The following UGGT2 variants were observed in gnomAD, a reference collection of about 807,000 sequenced individuals.
UGGT2 encodes UDP-glucose:glycoprotein glucosyltransferase 2.
Under a neutral mutation model 192.1 loss-of-function variants are expected in UGGT2, and 180 were observed. That is an observed-to-expected ratio of 0.94 (90% confidence interval 0.83 to 1.06). UGGT2 has a LOEUF of 1.06. Among genes scored for constraint, UGGT2 ranks in the 50% least tolerant of loss-of-function variants. The pLI is 0.00. For synonymous variants in UGGT2, 580 were observed against 591.0 expected (o/e 0.98, Z 0.27); for missense variants, 1,849 against 1,795.7 (o/e 1.03, Z -0.54).
rs1229060887 is a variant in UGGT2, at chr13:95,937,055, C to T, written c.1846G>A (p.Gly616Ser). 1.2e-6 allele frequency: 2 copies of T among 1,601,380 alleles called. No individual in the cohort carries two copies. The highest frequency in any genetic ancestry group is 2.7e-5 in the African/African-American group (2 of 73,956). Residue 616 changes from glycine to serine, a missense_variant, in exon 17 of 39, where the codon GGT becomes AGT. Physicochemically the swap from Gly to Ser is moderately conservative, Grantham distance 56. Coordinates refer to ENST00000376747, the MANE Select transcript of UGGT2 (RefSeq NM_020121.4). ...GASFYKMTGLGPLPQALYNGE... is the reference protein window; with the variant it reads ...GASFYKMTGLSPLPQALYNGE... ...TTATAAAGAGCTTGAGGCAAAGGAC[C>T]CAGGCCAGTCATCTTATAAAAGCTT...
chr13:96,002,399 C>G (rs2051835919), intron 5 of UGGT2, among the ~76,000 whole-genome samples: 1 of 152,218 alleles, frequency 6.6e-6, no homozygotes, highest in Admixed American at 6.5e-5. Context: ...ACTTTCATCA[C>G]CATCTAACAT....
At chr13:95,815,755 T>A (rs879355878) in intron 38 of UGGT2, among the ~76,000 whole-genome samples, 2 of 152,166 alleles carry the variant, frequency 1.3e-5, no homozygotes, top group African/African-American at 4.8e-5. Flanking sequence ...AAAAAACTTA[T>A]AATATACAGA....
intron 38 of UGGT2, among the ~76,000 whole-genome samples, chr13:95,816,427 A>G (rs1362283762): frequency 1.3e-5 from 2 of 152,216 alleles, no homozygotes; most frequent in African/African-American, 2.4e-5. Flanking sequence ...AGGTATTTAC[A>G]GAAGAGAAAT....
At chr13:95,996,494 T>TAAAAAA (rs747293305) in intron 6 of UGGT2, among the ~76,000 whole-genome samples, 1 of 133,720 alleles carries the variant, frequency 7.5e-6, no homozygotes, top group African/African-American at 2.8e-5. Flanking sequence ...AGACCGTGTC[T>TAAAAAA]AAAAAAAAAA....
At position 95,917,293 on chromosome 13, in the gene UGGT2, A is replaced by C. The variant is rs373462352; in HGVS notation, c.2295+8387T>G. On this transcript the variant is annotated intron_variant, in intron 20 of 38. Coordinates refer to ENST00000376747, the MANE Select transcript of UGGT2 (RefSeq NM_020121.4). ...CCAATTCATTTCTTAAAGAATTCCC[A>C]AAAAAAAGAATTTCCAGAATTTCAT... Among the ~76,000 whole-genome samples the C allele has an allele frequency of 2.5e-3, 381 of 152,114 alleles. 3 individuals are homozygous for C. The highest frequency in any genetic ancestry group is 8.8e-3 in the African/African-American group (367 of 41,522).
At chr13:95,910,405 C>G (rs1056270878) in intron 20 of UGGT2, among the ~76,000 whole-genome samples, 2 of 151,728 alleles carry the variant, frequency 1.3e-5, no homozygotes, top group Non-Finnish European at 2.9e-5. Context: ...ATCTACCAAG[C>G]AAATGGAAAG....
chr13:95,960,253 A>G (rs536161524), intron 12 of UGGT2, among the ~76,000 whole-genome samples: 31 of 152,246 alleles, frequency 2.0e-4, no homozygotes, highest in Non-Finnish European at 4.0e-4. Context: ...TCTAAAAGAC[A>G]TTTATGAAAT....
rs1057111352 is a variant in UGGT2 at position 95,935,256 on chromosome 13, C to G, written c.1977+1668G>C. 2.0e-5 allele frequency among the ~76,000 whole-genome samples: 3 copies of G among 152,112 alleles called. No homozygotes were observed. In the South Asian group the frequency reaches 6.2e-4, roughly 32 times the overall value. On this transcript the variant is annotated intron_variant, in intron 17 of 38. Transcript: ENST00000376747. ...GTGAAGTTCTTAGCTGTCTGCTTTT[C>G]AGTTTCTATGATGTGGATGCTTTAT...
intron 26 of UGGT2, chr13:95,887,197 A>G (rs2047669119): frequency 2.3e-6 from 1 of 437,234 alleles, no homozygotes; most frequent in African/African-American, 2.0e-5. Context: ...TTTTGTTTAG[A>G]ATTACATCAT....
At chr13:95,875,964 T>C (rs927339400) in intron 29 of UGGT2, among the ~76,000 whole-genome samples, 2 of 152,204 alleles carry the variant, frequency 1.3e-5, no homozygotes, top group Admixed American at 1.3e-4. Context: ...AAAAAGACTT[T>C]ATCAAGAGTT....
intron 5 of UGGT2, among the ~76,000 whole-genome samples, chr13:96,010,971 T>A (rs534164394): frequency 7.2e-5 from 11 of 152,198 alleles, no homozygotes; most frequent in African/African-American, 2.6e-4. Flanking sequence ...ACAAATACAG[T>A]CAATTATATT....
Position 95,890,868 on chromosome 13 carries a change from C to A in UGGT2, c.2952G>T (p.Leu984Phe). 6.2e-7 allele frequency: 1 copy of A among 1,610,198 alleles called. No individual in the cohort carries two copies. Among genetic ancestry groups the A allele is most frequent in the Non-Finnish European group, 8.5e-7 (1 of 1,177,960 alleles). ...LTREAQKMAQ[L>F]LVVLGKIINM... ...CTAATTTATATTATCTTACAACCAA[C>A]AACTGTGCCATTTTCTGTGCTTCTC... Residue 984 changes from leucine to phenylalanine, a missense_variant, in exon 25 of 39, where the codon TTG (leucine) becomes TTT (phenylalanine). Transcript: ENST00000376747.
intron 29 of UGGT2, among the ~76,000 whole-genome samples, chr13:95,867,893 A>G (rs1420981862): frequency 5.3e-5 from 8 of 152,230 alleles, no homozygotes; most frequent in Non-Finnish European, 1.0e-4. Context: ...TAAAATAATG[A>G]GACTGAAAAT....
intron 15 of UGGT2, among the ~76,000 whole-genome samples, chr13:95,944,032 C>T (rs2049782227): frequency 6.6e-6 from 1 of 151,892 alleles, no homozygotes; most frequent in Non-Finnish European, 1.5e-5. Flanking sequence ...AATATATTAA[C>T]ATGGTGAATT....
intron 20 of UGGT2, among the ~76,000 whole-genome samples, chr13:95,909,969 G>T (rs1264810872): frequency 6.6e-6 from 1 of 152,090 alleles, no homozygotes. Flanking sequence ...TTTCAGCCCA[G>T]AATTTAATAT....
At chr13:96,030,140 T>C (rs1198725098) in intron 2 of UGGT2, among the ~76,000 whole-genome samples, 2 of 152,292 alleles carry the variant, frequency 1.3e-5, no homozygotes, top group East Asian at 1.9e-4. Context: ...TTCTACTCAT[T>C]TGTGTTCCCT....
chr13:95,859,799 G>A, intron 32 of UGGT2, 124 bp from the exon 33 acceptor site: 1 of 655,802 alleles, frequency 1.5e-6, no homozygotes. Flanking sequence ...TAAGTTCTGG[G>A]ATACATGTGC....
intron 4 of UGGT2, among the ~76,000 whole-genome samples, chr13:96,014,305 A>G (rs1375717818): frequency 6.6e-6 from 1 of 152,172 alleles, no homozygotes; most frequent in Non-Finnish European, 1.5e-5. Context: ...CTACCTTTGG[A>G]TAACAAATAT....
At chr13:96,047,305 G>A (rs187119275) in intron 1 of UGGT2, among the ~76,000 whole-genome samples, 4 of 152,284 alleles carry the variant, frequency 2.6e-5, no homozygotes, top group East Asian at 1.9e-4. Flanking sequence ...AACATTTGCC[G>A]TTCTGCAATA....
Sources: gnomAD v4.1 joint callset for allele counts (sites outside exome capture counted in the v4.1 genomes callset) on GRCh38, gnomAD v4.1.1 for gene constraint, MANE v1.5 for transcripts, NCBI Gene and HGNC (gene_info 2026-07-23, HGNC 2026-07-21) for gene names.